NXPH1: variants seen among roughly 807,000 people sequenced by gnomAD.
NXPH1 encodes neurexophilin-1.
NXPH1 carries 5 observed loss-of-function variants against 23.7 expected under a neutral mutation model. The observed-to-expected ratio is 0.21, with a 90% confidence interval of 0.11 to 0.44. The LOEUF is 0.44. NXPH1 is among the 20% of genes least tolerant of loss of function. NXPH1 has a pLI of 0.99. For missense variants in NXPH1, 324 were observed against 321.6 expected (o/e 1.01, Z -0.06); for synonymous variants, 144 against 122.2 (o/e 1.18, Z -1.18).
intron 2 of NXPH1, among the ~76,000 whole-genome samples, chr7:8,595,475 CAT>C (rs547644327): frequency 6.6e-6 from 1 of 151,612 alleles, no homozygotes; most frequent in African/African-American, 2.4e-5. Context: ...ATATTGTAAA[CAT>C]ATATATATAG....
intron 2 of NXPH1, among the ~76,000 whole-genome samples, chr7:8,583,993 C>T (rs1212705781): frequency 1.3e-5 from 2 of 152,176 alleles, no homozygotes; most frequent in African/African-American, 4.8e-5. Flanking sequence ...ATGGCTGAGC[C>T]TGTCAGTTCT....
At chr7:8,514,626 C>G (rs1028189717) in intron 2 of NXPH1, among the ~76,000 whole-genome samples, 2 of 152,112 alleles carry the variant, frequency 1.3e-5, no homozygotes, top group African/African-American at 4.8e-5. Flanking sequence ...GGTCTATGTT[C>G]CAAGTGGGTA....
chr7:8,476,511 C>T (rs1260993900), intron 2 of NXPH1, among the ~76,000 whole-genome samples: 2 of 151,018 alleles, frequency 1.3e-5, no homozygotes, highest in Non-Finnish European at 3.0e-5. Context: ...TTTTTCTTTT[C>T]CCTCATATTC....
intron 2 of NXPH1, among the ~76,000 whole-genome samples, chr7:8,589,540 C>G (rs946030939): frequency 6.6e-6 from 1 of 151,870 alleles, no homozygotes; most frequent in African/African-American, 2.4e-5. Flanking sequence ...TTATACCTAG[C>G]AAAAAGTGAG....
Position 8,751,943 on chromosome 7 carries a change from C to A in NXPH1, c.*174C>A. On this transcript the variant is annotated 3_prime_UTR_variant, in exon 3 of 3. Coordinates refer to ENST00000405863, the MANE Select transcript of NXPH1 (RefSeq NM_152745.3). This position sits in a 1 kb window ranked among gnomAD's most constrained non-coding sequence, Gnocchi z 4.5. ...CACTCTGATGTAATTTCTGCCCAGT[C>A]AGCTTCATCCCTCAGTATAATTGTA... is the stretch of plus-strand genomic sequence containing the variant. 1.7e-6 allele frequency: 1 copy of A among 604,966 alleles called. No homozygotes were observed. The highest frequency in any genetic ancestry group is 2.9e-6 in the Non-Finnish European group (1 of 350,672). 37.5% of individuals were successfully genotyped at this position (604,966 alleles called of 1,614,324 possible).
chr7:8,582,644 C>T (rs1818902851), intron 2 of NXPH1, among the ~76,000 whole-genome samples: 1 of 152,098 alleles, frequency 6.6e-6, no homozygotes, highest in Admixed American at 6.5e-5. Flanking sequence ...CTGTGTGAGT[C>T]TGGCTGTGTC....
At chr7:8,713,135 CT>C (rs908369837) in intron 2 of NXPH1, among the ~76,000 whole-genome samples, 2 of 151,558 alleles carry the variant, frequency 1.3e-5, no homozygotes, top group Non-Finnish European at 2.9e-5. Context: ...CTTTTTTATT[CT>C]TTTTTCTTTT....
At chr7:8,705,543 T>A (rs1779689072) in intron 2 of NXPH1, among the ~76,000 whole-genome samples, 1 of 152,132 alleles carries the variant, frequency 6.6e-6, no homozygotes, top group African/African-American at 2.4e-5. Flanking sequence ...ATTTCCTTGG[T>A]CGTATTTTGA....
At chr7:8,697,592 G>T (rs139400523) in intron 2 of NXPH1, among the ~76,000 whole-genome samples, 3 of 152,214 alleles carry the variant, frequency 2.0e-5, no homozygotes, top group Non-Finnish European at 4.4e-5. Context: ...TTGTAATTGA[G>T]ATTTTATTGG....
chr7:8,698,691 TAG>T (rs778314312), intron 2 of NXPH1, among the ~76,000 whole-genome samples: 17 of 152,174 alleles, frequency 1.1e-4, no homozygotes, highest in Non-Finnish European at 1.3e-4. Context: ...AGGAGGCTAT[TAG>T]AGTGATAAGT....
At chr7:8,701,408 G>T (rs144158131) in intron 2 of NXPH1, among the ~76,000 whole-genome samples, 1 of 151,942 alleles carries the variant, frequency 6.6e-6, no homozygotes, top group Non-Finnish European at 1.5e-5. Context: ...GTGGCTGCCT[G>T]TTCCCTCCTC....
intron 2 of NXPH1, among the ~76,000 whole-genome samples, chr7:8,737,553 C>G (rs1409405334): frequency 6.6e-6 from 1 of 152,150 alleles, no homozygotes; most frequent in Non-Finnish European, 1.5e-5. Context: ...TTCTCTCTGG[C>G]TGCCCTTAAC....
Position 8,747,139 on chromosome 7 carries a change from A to G in NXPH1, c.55-3869A>G, listed in dbSNP as rs7793398. On this transcript the variant is annotated intron_variant, in intron 2 of 2. Transcript: ENST00000405863. ...GATTGATATTATTCTTCTATTCCCT[A>G]GAAGAGAGAAACAGTGAAGCTTAAA... 6.3e-3 allele frequency among the ~76,000 whole-genome samples: 963 copies of G among 152,256 alleles called. 13 individuals are homozygous for G. Among genetic ancestry groups the G allele is most frequent in the African/African-American group, 0.021 (854 of 41,542 alleles).
intron 2 of NXPH1, among the ~76,000 whole-genome samples, chr7:8,628,587 T>C (rs983713049): frequency 6.6e-6 from 1 of 150,500 alleles, no homozygotes; most frequent in African/African-American, 2.5e-5. Flanking sequence ...TTTGTGTATG[T>C]ATAAAAAAAA....
chr7:8,444,261 T>G (rs148073774), intron 2 of NXPH1, among the ~76,000 whole-genome samples: 46 of 152,266 alleles, frequency 3.0e-4, no homozygotes, highest in African/African-American at 8.9e-4. Flanking sequence ...AGCTCGGACA[T>G]AAGGCAAGCC....
At chr7:8,660,295 A>G (rs1820651794) in intron 2 of NXPH1, among the ~76,000 whole-genome samples, 1 of 152,222 alleles carries the variant, frequency 6.6e-6, no homozygotes. Context: ...CACAGAATTA[A>G]TCAGGGGTGG....
intron 2 of NXPH1, among the ~76,000 whole-genome samples, chr7:8,731,417 C>G (rs1780151470): frequency 6.6e-6 from 1 of 152,198 alleles, no homozygotes; most frequent in Admixed American, 6.5e-5. Flanking sequence ...GAGAGGCGCT[C>G]TGCTTTTTAG....
At chr7:8,693,196 A>T (rs60692141) in intron 2 of NXPH1, among the ~76,000 whole-genome samples, 59,028 of 151,968 alleles carry the variant, frequency 0.39, 11,780 homozygotes, top group East Asian at 0.44. Flanking sequence ...ACAAAAACAA[A>T]AAAAACAAAC....
At chr7:8,574,048 T>C (rs543308488) in intron 2 of NXPH1, among the ~76,000 whole-genome samples, 6 of 152,212 alleles carry the variant, frequency 3.9e-5, no homozygotes, top group Admixed American at 1.3e-4. Flanking sequence ...ACCTTCTAGC[T>C]TAATGATGTG....
Sources: gnomAD v4.1 joint callset for allele counts (sites outside exome capture counted in the v4.1 genomes callset) on GRCh38, gnomAD v4.1.1 for gene constraint, Gnocchi (gnomAD v3.1) non-coding constraint, MANE v1.5 for transcripts, NCBI Gene and HGNC (gene_info 2026-07-23, HGNC 2026-07-21) for gene names.